The following ROBO1 variants were observed in gnomAD, a reference collection of about 807,000 sequenced individuals.
ROBO1 encodes the protein roundabout homolog 1.
A neutral mutation model predicts 195.9 loss-of-function variants in ROBO1; 149 were observed. The ratio of observed to expected loss-of-function variants is 0.76; its 90% CI spans 0.67 to 0.87. The LOEUF is 0.87. ROBO1 is among the 40% of genes least tolerant of loss of function. The pLI, the probability that ROBO1 is intolerant of heterozygous loss-of-function variation, is 0.00. For missense variants in ROBO1, 1,933 were observed against 2,068.3 expected, an observed-to-expected ratio of 0.93 and a Z score of 1.27; for synonymous variants, 816 against 733.2, an observed-to-expected ratio of 1.11 and a Z score of -1.82.
chr3:79,071,544 C>G (rs1354947293), intron 3 of ROBO1, among the ~76,000 whole-genome samples: 2 of 151,642 alleles, frequency 1.3e-5, no homozygotes, highest in Non-Finnish European at 2.9e-5. Flanking sequence ...TATTTGTACT[C>G]TTTTTTATGG....
intron 2 of ROBO1, among the ~76,000 whole-genome samples, chr3:79,554,059 T>A (rs1322738999): frequency 6.6e-6 from 1 of 152,068 alleles, no homozygotes; most frequent in African/African-American, 2.4e-5. Flanking sequence ...GATGGTTATA[T>A]GTCATTTCAT....
At chr3:78,789,031 C>T (rs1034639454) in intron 4 of ROBO1, among the ~76,000 whole-genome samples, 1 of 152,086 alleles carries the variant, frequency 6.6e-6, no homozygotes, top group South Asian at 2.1e-4. Context: ...GGGCCAAACA[C>T]TAAGATATGA....
At chr3:79,247,531 AT>A (rs944623783) in intron 2 of ROBO1, among the ~76,000 whole-genome samples, 78 of 151,738 alleles carry the variant, frequency 5.1e-4, no homozygotes, top group African/African-American at 1.5e-3. Flanking sequence ...GAAAATAAAC[AT>A]TTTTTTTAAG....
At chr3:79,327,421 C>G (rs1048996102) in intron 2 of ROBO1, among the ~76,000 whole-genome samples, 34 of 152,036 alleles carry the variant, frequency 2.2e-4, no homozygotes, top group South Asian at 1.2e-3. Flanking sequence ...ATATATCAAG[C>G]CTTTGTTACA....
At chr3:78,717,222 G>T in intron 7 of ROBO1, 53 bp downstream of exon 7, 1 of 1,506,078 alleles carries the variant, frequency 6.6e-7, no homozygotes, top group Non-Finnish European at 8.9e-7. Context: ...GATGTGATGA[G>T]AAACGTAGAA....
At chr3:79,323,699 T>G (rs1384634339) in intron 2 of ROBO1, among the ~76,000 whole-genome samples, 1 of 152,204 alleles carries the variant, frequency 6.6e-6, no homozygotes, top group Non-Finnish European at 1.5e-5. Context: ...TCTTTCGATA[T>G]CATATACAAA....
intron 3 of ROBO1, among the ~76,000 whole-genome samples, chr3:79,054,958 C>T (rs1404808164): frequency 6.6e-6 from 1 of 152,142 alleles, no homozygotes. Context: ...GCCTCTCCTT[C>T]TGTCTCAGTA....
chr3:79,475,716 G>T (rs1162671396), intron 2 of ROBO1, among the ~76,000 whole-genome samples: 1 of 151,964 alleles, frequency 6.6e-6, no homozygotes, highest in Non-Finnish European at 1.5e-5. Flanking sequence ...TTTATTGCTT[G>T]CACCCTATGG....
At chr3:79,412,524 G>T (rs1012796908) in intron 2 of ROBO1, among the ~76,000 whole-genome samples, 193 of 152,008 alleles carry the variant, frequency 1.3e-3, no homozygotes, top group African/African-American at 4.6e-3. Flanking sequence ...GGTTGTTAAG[G>T]AAAGAAAAAA....
intron 1 of ROBO1, among the ~76,000 whole-genome samples, chr3:79,644,423 C>T (rs1234658723): frequency 6.6e-6 from 1 of 152,120 alleles, no homozygotes; most frequent in Non-Finnish European, 1.5e-5. Context: ...TTTAATTGTA[C>T]TTACAGTTCC....
chr3:79,240,412 G>C (rs1335722464), intron 2 of ROBO1, among the ~76,000 whole-genome samples: 1 of 152,096 alleles, frequency 6.6e-6, no homozygotes, highest in Non-Finnish European at 1.5e-5. Flanking sequence ...ACAAACACAG[G>C]ATTGTGTTTT....
chr3:79,579,332 T>A (rs1258651904), intron 2 of ROBO1, among the ~76,000 whole-genome samples: 3 of 151,994 alleles, frequency 2.0e-5, no homozygotes, highest in African/African-American at 7.3e-5. Context: ...GTGAAGGAAA[T>A]ATTTATTGTT....
At chr3:79,744,659 T>C (rs539859732) in intron 1 of ROBO1, among the ~76,000 whole-genome samples, 2 of 152,234 alleles carry the variant, frequency 1.3e-5, no homozygotes, top group East Asian at 3.9e-4. Flanking sequence ...CACTTATTCT[T>C]TAAGCCACCC....
chr3:79,013,127 G>T (rs1559590820), intron 3 of ROBO1, among the ~76,000 whole-genome samples: 1 of 151,888 alleles, frequency 6.6e-6, no homozygotes, highest in Non-Finnish European at 1.5e-5. Flanking sequence ...ATGATCACCA[G>T]CCCATACTCA....
chr3:79,742,561 C>G (rs1010237733), intron 1 of ROBO1, among the ~76,000 whole-genome samples: 1 of 152,146 alleles, frequency 6.6e-6, no homozygotes, highest in African/African-American at 2.4e-5. Context: ...GCTTGCTTCC[C>G]CTTCACCTTC....
intron 5 of ROBO1, among the ~76,000 whole-genome samples, chr3:78,728,025 C>T (rs1217826934): frequency 2.0e-5 from 3 of 151,916 alleles, no homozygotes; most frequent in African/African-American, 7.3e-5. Flanking sequence ...ATTAAATAAA[C>T]AATAAACCTC....
intron 2 of ROBO1, among the ~76,000 whole-genome samples, chr3:79,247,470 G>A (rs997138759): frequency 3.3e-5 from 5 of 151,766 alleles, no homozygotes; most frequent in African/African-American, 9.7e-5. Context: ...AATTGACCTC[G>A]AAAAGGTATC....
At chr3:79,616,002 C>T (rs993499400) in intron 1 of ROBO1, among the ~76,000 whole-genome samples, 1 of 152,100 alleles carries the variant, frequency 6.6e-6, no homozygotes, top group African/African-American at 2.4e-5. Context: ...ACTTGCAGTT[C>T]CACGGAAAGA....
At chr3:79,729,535 A>G (rs932373568) in intron 1 of ROBO1, among the ~76,000 whole-genome samples, 3 of 152,238 alleles carry the variant, frequency 2.0e-5, no homozygotes, top group Admixed American at 2.0e-4. Flanking sequence ...ATCCTTGGAA[A>G]AGCAATATTT....
Sources: allele counts gnomAD v4.1 joint callset (sites outside exome capture counted in the v4.1 genomes callset), GRCh38; gene constraint gnomAD v4.1.1; transcripts MANE v1.5; gene names NCBI Gene and HGNC (gene_info 2026-07-23, HGNC 2026-07-21).